FAM171A1: variants seen among roughly 807,000 people sequenced by gnomAD.
The protein encoded by FAM171A1 is protein FAM171A1.
A neutral mutation model predicts 74.9 loss-of-function variants in FAM171A1; 23 were observed. The ratio of observed to expected loss-of-function variants is 0.31; its 90% CI spans 0.22 to 0.44. FAM171A1 has a LOEUF of 0.44. Among genes scored for constraint, FAM171A1 ranks in the 20% least tolerant of loss-of-function variants. The pLI is 1.00. For synonymous variants in FAM171A1, 527 were observed against 505.7 expected (o/e 1.04, Z -0.57); for missense variants, 1,162 against 1,159.2 (o/e 1.00, Z -0.03).
At chr10:15,218,583 G>A (rs1403717587) in intron 6 of FAM171A1, among the ~76,000 whole-genome samples, 3 of 151,840 alleles carry the variant, frequency 2.0e-5, no homozygotes, top group South Asian at 2.1e-4. Flanking sequence ...ACCATCAGAG[G>A]CTGTAGTGGG....
Position 15,221,275 on chromosome 10 carries a change from T to C in FAM171A1, c.755-215A>G, listed in dbSNP as rs188632373. On this transcript the variant is annotated intron_variant, in intron 5 of 7. Coordinates refer to ENST00000378116, the MANE Select transcript of FAM171A1 (RefSeq NM_001010924.2). ...AGGGAAAGATAAGCAACTTTAGTGT[T>C]CCTTTGCCTTCTCAATTAAATTACT... is the stretch of plus-strand genomic sequence containing the variant. Among the ~76,000 whole-genome samples, 26 of 152,378 alleles carry C rather than the reference T, an allele frequency of 1.7e-4. No homozygotes were observed. In the East Asian group the frequency reaches 4.4e-3, roughly 26 times the overall value.
rs776387231 is a variant in FAM171A1 at position 15,248,844 on chromosome 10, T to C, written c.578-29A>G. The C allele has an allele frequency of 1.9e-6, 3 of 1,586,000 alleles. No individual in the cohort carries two copies. In the South Asian group the frequency reaches 3.5e-5, roughly 18 times the overall value. ...GAAGGAAGAGGCATTTTCCATCATT[T>C]GCATGCAAAGTACCCATGTGGGGCT... is the stretch of plus-strand genomic sequence containing the variant. On this transcript the variant is annotated intron_variant, in intron 4 of 7. Transcript: ENST00000378116.
intron 3 of FAM171A1, among the ~76,000 whole-genome samples, chr10:15,273,151 T>G (rs1834848828): frequency 6.6e-6 from 1 of 151,994 alleles, no homozygotes; most frequent in Non-Finnish European, 1.5e-5. Context: ...CTAGCAAGAC[T>G]AATAAAGAAG....
intron 5 of FAM171A1, among the ~76,000 whole-genome samples, chr10:15,235,111 A>G (rs529599291): frequency 2.2e-4 from 33 of 152,186 alleles, no homozygotes; most frequent in Non-Finnish European, 2.5e-4. Flanking sequence ...GGAGTTTGAG[A>G]TCGGCCTGGC....
chr10:15,214,216 G>C lies in FAM171A1; in HGVS notation c.1372C>G (p.His458Asp). The C allele has an allele frequency of 1.9e-6, 3 of 1,614,126 alleles. No homozygotes were observed. Among genetic ancestry groups the C allele is most frequent in the Non-Finnish European group, 2.5e-6 (3 of 1,180,002 alleles). The change falls in exon 8 of 8, where the codon CAT (histidine) becomes GAT (aspartate). Residue 458 changes from histidine to aspartate, a missense_variant. His to Asp is a moderately conservative substitution (Grantham distance 81). Transcript: ENST00000378116. Reference protein sequence around the residue: ...TPSGTLGKDYHKSVEVFPLKA... With the variant: ...TPSGTLGKDYDKSVEVFPLKA... ...AAGGGAAAAACCTCCACTGACTTAT[G>C]GTAGTCTTTCCCCAGCGTCCCACTT...
chr10:15,265,685 A>G (rs995593986), intron 3 of FAM171A1, among the ~76,000 whole-genome samples: 1 of 151,228 alleles, frequency 6.6e-6, no homozygotes, highest in African/African-American at 2.4e-5. Flanking sequence ...GTTTAACTCA[A>G]TTATTCAATG....
intron 1 of FAM171A1, among the ~76,000 whole-genome samples, chr10:15,310,178 A>C (rs1835343807): frequency 6.6e-6 from 1 of 152,102 alleles, no homozygotes; most frequent in Non-Finnish European, 1.5e-5. Flanking sequence ...AGACTGGGGG[A>C]AAGTGTTTGG....
intron 3 of FAM171A1, among the ~76,000 whole-genome samples, chr10:15,260,407 T>C (rs1324481413): frequency 2.0e-5 from 3 of 152,212 alleles, no homozygotes; most frequent in Non-Finnish European, 2.9e-5. Flanking sequence ...TACCACCTTA[T>C]AGTTGAGTGA....
intron 1 of FAM171A1, among the ~76,000 whole-genome samples, chr10:15,354,604 C>T (rs968049433): frequency 1.3e-5 from 2 of 152,128 alleles, no homozygotes; most frequent in Non-Finnish European, 2.9e-5. Context: ...GCACCGAGTC[C>T]GATCTGTAAG....
chr10:15,347,318 T>C (rs1835827477), intron 1 of FAM171A1, among the ~76,000 whole-genome samples: 1 of 152,152 alleles, frequency 6.6e-6, no homozygotes, highest in African/African-American at 2.4e-5. Context: ...AAACTGGACC[T>C]AGGACAACAG....
chr10:15,247,715 C>T (rs527703936), intron 5 of FAM171A1, among the ~76,000 whole-genome samples: 1 of 152,198 alleles, frequency 6.6e-6, no homozygotes, highest in African/African-American at 2.4e-5. Context: ...TCAAGTGAAC[C>T]ACCCGCCTCA....
intron 1 of FAM171A1, among the ~76,000 whole-genome samples, chr10:15,324,578 T>G (rs1350522798): frequency 1.3e-5 from 2 of 152,220 alleles, no homozygotes; most frequent in Non-Finnish European, 2.9e-5. Context: ...CTGGCCATCC[T>G]GCACAGTCGG....
intron 6 of FAM171A1, among the ~76,000 whole-genome samples, chr10:15,216,684 C>T (rs1451104072): frequency 2.6e-5 from 4 of 152,236 alleles, no homozygotes; most frequent in African/African-American, 4.8e-5. Flanking sequence ...TCCACTGCCT[C>T]GGCCTACCAA....
intron 1 of FAM171A1, among the ~76,000 whole-genome samples, chr10:15,287,095 T>TTG (rs1564633397): frequency 6.7e-6 from 1 of 149,012 alleles, no homozygotes; most frequent in African/African-American, 2.5e-5. Flanking sequence ...CTTCTTCTTT[T>TTG]TTTTTTTTTT....
intron 1 of FAM171A1, among the ~76,000 whole-genome samples, chr10:15,366,711 C>A (rs1836066943): frequency 6.6e-6 from 1 of 152,198 alleles, no homozygotes; most frequent in Non-Finnish European, 1.5e-5. Context: ...ATTTTTTCTT[C>A]ATGATACAGC....
intron 5 of FAM171A1, among the ~76,000 whole-genome samples, chr10:15,239,104 C>A (rs1459488341): frequency 6.6e-6 from 1 of 152,126 alleles, no homozygotes; most frequent in Non-Finnish European, 1.5e-5. Flanking sequence ...TCTGCTGCCC[C>A]AGTTACAGGA....
intron 2 of FAM171A1, among the ~76,000 whole-genome samples, chr10:15,282,467 ATGT>A (rs1205041628): frequency 1.3e-5 from 2 of 152,206 alleles, no homozygotes; most frequent in African/African-American, 4.8e-5. Context: ...GTTCATGAAA[ATGT>A]TGTGACCAGA....
upstream of FAM171A1, among the ~76,000 whole-genome samples, chr10:15,372,533 C>T (rs1054137368): frequency 4.5e-4 from 4 of 8,898 alleles, no homozygotes; most frequent in Non-Finnish European, 4.6e-3. Context: ...CTGTCTCTAC[C>T]AAAAATACAA....
At chr10:15,340,948 G>A (rs1180858214) in intron 1 of FAM171A1, among the ~76,000 whole-genome samples, 6 of 152,104 alleles carry the variant, frequency 3.9e-5, no homozygotes, top group South Asian at 2.1e-4. Context: ...AATGCAGGAC[G>A]ACATCAACAT....
Sources: allele counts gnomAD v4.1 joint callset (sites outside exome capture counted in the v4.1 genomes callset), GRCh38; gene constraint gnomAD v4.1.1; transcripts MANE v1.5; gene names NCBI Gene and HGNC (gene_info 2026-07-23, HGNC 2026-07-21).